Variants in SLC24A5 observed in about 807,000 individuals in gnomAD.
The protein encoded by SLC24A5 is sodium/potassium/calcium exchanger 5.
Under a neutral mutation model 51.6 loss-of-function variants are expected in SLC24A5, and 46 were observed. The ratio of observed to expected loss-of-function variants is 0.89; its 90% CI spans 0.70 to 1.14. The LOEUF (loss-of-function observed/expected upper bound fraction) is 1.14. SLC24A5 is among the 50% of genes most tolerant of loss of function. SLC24A5 has a pLI of 0.00. For missense variants in SLC24A5, 581 were observed against 604.1 expected (o/e 0.96, Z 0.40); for synonymous variants, 230 against 214.9 (o/e 1.07, Z -0.62).
intron 7 of SLC24A5, chr15:48,140,096 TA>T: frequency 6.6e-6 from 1 of 152,160 alleles, no homozygotes; most frequent in South Asian, 2.1e-4. Context: ...TTCCTTTTTT[TA>T]ATGAGAAAAA....
In SLC24A5 at chr15:48,121,091, T is replaced by C; in HGVS notation, c.47T>C (p.Leu16Pro). 6.2e-7 allele frequency: 1 copy of C among 1,613,912 alleles called. No homozygotes were observed. The highest frequency in any genetic ancestry group is 8.5e-7 in the Non-Finnish European group (1 of 1,179,922). ...ACATGGGCGAGAAGGGCTCTGTTGC[T>C]CGGCATCCTGTGGGCCACTGCACAT... Reference protein sequence around the residue: ...GQTWARRALLLGILWATAHLP... With the variant: ...GQTWARRALLPGILWATAHLP... The change falls in exon 1 of 9, where the codon CTC becomes CCC. Residue 16 changes from leucine (L) to proline (P), a missense_variant. By Grantham distance (98) the Leu-to-Pro change is moderately conservative (BLOSUM62 -3). Transcript: ENST00000341459.
At chr15:48,125,658 C>T (rs1343722828) in intron 2 of SLC24A5, among the ~76,000 whole-genome samples, 1 of 152,072 alleles carries the variant, frequency 6.6e-6, no homozygotes, top group East Asian at 1.9e-4. Flanking sequence ...AAAGAGAATA[C>T]ATTGAATTAT....
intron 5 of SLC24A5, chr15:48,135,194 T>A (rs1440346560): frequency 2.5e-6 from 1 of 400,748 alleles, no homozygotes; most frequent in East Asian, 3.9e-5. Context: ...CACAGTCTCC[T>A]TTTTTCTCTC....
rs762959133 is a variant in SLC24A5, at chr15:48,121,021, C to G, written c.-24C>G. ...CCTCTTCTCCCTTCCTGAAGCTGCACGCTGCAGTAAGAGCACAGCAGAAAT... is the reference window on the plus strand; with the variant it reads ...CCTCTTCTCCCTTCCTGAAGCTGCAGGCTGCAGTAAGAGCACAGCAGAAAT... On this transcript the variant is annotated 5_prime_UTR_variant, in exon 1 of 9. Coordinates refer to ENST00000341459, the MANE Select transcript of SLC24A5 (RefSeq NM_205850.3). 7.5e-6 allele frequency: 12 copies of G among 1,609,342 alleles called. No individual in the cohort carries two copies. The highest frequency in any genetic ancestry group is 2.2e-5 in the South Asian group (2 of 90,258).
At chr15:48,122,199 G>T in intron 2 of SLC24A5, 163 bp downstream of exon 2, 1 of 704,996 alleles carries the variant, frequency 1.4e-6, no homozygotes, top group Non-Finnish European at 2.5e-6. Context: ...GTCGAGTGTG[G>T]TTTCTCTTGG....
chr15:48,141,235 G>A (rs1194064301), intron 8 of SLC24A5, 21 bp downstream of exon 8: 1 of 1,539,604 alleles, frequency 6.5e-7, no homozygotes, highest in Non-Finnish European at 9.0e-7. Context: ...GGTCCCTCAA[G>A]CTGCAATGGT....
chr15:48,139,218 A>G lies in SLC24A5; in HGVS notation c.1078+43A>G, dbSNP rs368490892. The G allele has an allele frequency of 2.6e-6, 4 of 1,510,692 alleles. No individual in the cohort carries two copies. The African/African-American group carries it at 5.5e-5, about 21-fold the overall frequency. The allele number at this position is 1,510,692 out of a possible 1,614,324, so 93.6% of individuals were successfully genotyped here. On this transcript the variant is annotated intron_variant, in intron 7 of 8. Transcript: ENST00000341459. ...AATAGCACAACTTGAAAATATTCAT[A>G]TAAGAACAAATTGCATATGTTCACT...
intron 7 of SLC24A5, 57 bp from the exon 8 acceptor site, chr15:48,141,056 C>T: frequency 1.4e-6 from 2 of 1,384,590 alleles, no homozygotes; most frequent in Non-Finnish European, 2.0e-6. Context: ...AAAATAACTG[C>T]AAAGGATGGT....
intron 2 of SLC24A5, among the ~76,000 whole-genome samples, chr15:48,126,328 C>G (rs1293087044): frequency 1.3e-5 from 2 of 152,164 alleles, no homozygotes; most frequent in Non-Finnish European, 2.9e-5. Context: ...TGCTATGCCC[C>G]CTTCCTGTAA....
chr15:48,135,965 T>C (rs1039072608), intron 5 of SLC24A5: 17 of 152,254 alleles, frequency 1.1e-4, no homozygotes, highest in Non-Finnish European at 2.5e-4. Context: ...ATCAGAACTG[T>C]TCTTTAAGAT....
intron 8 of SLC24A5, 95 bp downstream of exon 8, chr15:48,141,309 T>G: frequency 2.0e-6 from 2 of 1,014,164 alleles, no homozygotes; most frequent in African/African-American, 1.6e-5. Flanking sequence ...CCGGGTGTGG[T>G]GGCTCGCGCC....
intron 1 of SLC24A5, 37 bp downstream of exon 1, chr15:48,121,202 C>G (rs1226971247): frequency 6.4e-7 from 1 of 1,565,126 alleles, no homozygotes; most frequent in East Asian, 2.3e-5. Flanking sequence ...TCTGCAGCAG[C>G]AGCTGCTGCT....
Position 48,138,891 on chromosome 15 carries a change from T to A in SLC24A5, c.872-78T>A, listed in dbSNP as rs528149831. 1.9e-4 allele frequency: 202 copies of A among 1,060,864 alleles called. 2 individuals are homozygous for A. In the South Asian group the frequency reaches 3.0e-3, roughly 16 times the overall value. The allele number at this position is 1,060,864 out of a possible 1,614,324, so 65.7% of individuals were successfully genotyped here. A position where few individuals can be genotyped will look rare whatever the true frequency, so the allele number is the denominator to read the frequency against. On this transcript the variant is annotated intron_variant, in intron 6 of 8. Transcript: ENST00000341459. ...AACTGATACAGCTAATTTATTTCAATATAACTTTCTAAATAGGCATTTCTA... is the reference window on the plus strand; with the variant it reads ...AACTGATACAGCTAATTTATTTCAAAATAACTTTCTAAATAGGCATTTCTA...
chr15:48,128,585 C>T (rs1448286094), intron 2 of SLC24A5, among the ~76,000 whole-genome samples: 1 of 152,100 alleles, frequency 6.6e-6, no homozygotes, highest in Non-Finnish European at 1.5e-5. Context: ...ATTTGGATAG[C>T]CTACAGTTTC....
At chr15:48,141,608 A>AC (rs1240254124) in intron 8 of SLC24A5, 1 of 162,292 alleles carries the variant, frequency 6.2e-6, no homozygotes, top group African/African-American at 2.4e-5. Flanking sequence ...AAAAAAAAAA[A>AC]AGTTTACTTC....
At chr15:48,130,714 A>G (rs927765178) in intron 2 of SLC24A5, among the ~76,000 whole-genome samples, 2 of 152,162 alleles carry the variant, frequency 1.3e-5, no homozygotes, top group African/African-American at 4.8e-5. Flanking sequence ...CACTAAATCT[A>G]TAAATTCTCT....
At chr15:48,129,131 C>T (rs372107364) in intron 2 of SLC24A5, among the ~76,000 whole-genome samples, 11 of 151,896 alleles carry the variant, frequency 7.2e-5, no homozygotes, top group Non-Finnish European at 1.3e-4. Flanking sequence ...GAGTCTTTTT[C>T]GGTGGAATCA....
At position 48,134,456 on chromosome 15, in the gene SLC24A5, A is replaced by C; in HGVS notation, c.407A>C (p.Asp136Ala). ...AFLGVFITKGDIGISTILGSA... is the reference protein window; with the variant it reads ...AFLGVFITKGAIGISTILGSA... The stretch of plus-strand genomic sequence containing the variant: ...ATAGGTGTATTTATCACAAAGGGAG[A>C]TATTGGCATTAGCACCATCCTTGGA... The change falls in exon 4 of 9, where the codon GAT becomes GCT. Residue 136 changes from aspartate to alanine, a missense_variant. By Grantham distance (126) the Asp-to-Ala change is moderately radical. Transcript: ENST00000341459. 6.2e-7 allele frequency: 1 copy of C among 1,613,468 alleles called. No homozygotes were observed. Among genetic ancestry groups the C allele is most frequent in the Non-Finnish European group, 8.5e-7 (1 of 1,179,520 alleles).
intron 7 of SLC24A5, 59 bp from the exon 8 acceptor site, chr15:48,141,054 T>G: frequency 7.3e-7 from 1 of 1,370,246 alleles, no homozygotes; most frequent in Non-Finnish European, 1.0e-6. Flanking sequence ...CCAAAATAAC[T>G]GCAAAGGATG....
Sources: gnomAD v4.1 joint callset for allele counts (sites outside exome capture counted in the v4.1 genomes callset) on GRCh38, gnomAD v4.1.1 for gene constraint, MANE v1.5 for transcripts, NCBI Gene and HGNC (gene_info 2026-07-23, HGNC 2026-07-21) for gene names.